The following CSMD2 variants were observed in gnomAD, a reference collection of about 807,000 sequenced individuals.
The protein encoded by CSMD2 is CUB and sushi domain-containing protein 2.
In CSMD2, 130 loss-of-function variants were observed where a neutral mutation model predicts 398.5. The ratio of observed to expected loss-of-function variants is 0.33; its 90% confidence interval spans 0.28 to 0.38. The LOEUF (loss-of-function observed/expected upper bound fraction) is 0.38, where lower values mean the gene tolerates loss of function less well. CSMD2 is among the 10% of genes least tolerant of loss of function. CSMD2 has a pLI of 1.00. For synonymous variants in CSMD2, 1,828 were observed against 1,908.5 expected (o/e 0.96, Z 1.10); for missense variants, 3,829 against 4,764.9 (o/e 0.80, Z 5.78).
intron 13 of CSMD2, among the ~76,000 whole-genome samples, chr1:33,771,546 G>A (rs1023468930): frequency 6.7e-6 from 1 of 149,700 alleles, no homozygotes; most frequent in African/African-American, 2.5e-5. Flanking sequence ...TGGACAACGT[G>A]ATTTTTTTTT....
At chr1:34,024,891 G>T (rs1185035394) in intron 3 of CSMD2, among the ~76,000 whole-genome samples, 1 of 152,218 alleles carries the variant, frequency 6.6e-6, no homozygotes, top group Non-Finnish European at 1.5e-5. Flanking sequence ...TTGGAATGAG[G>T]AAATTGTCTG....
chr1:33,931,754 G>A (rs1365444818), intron 4 of CSMD2, among the ~76,000 whole-genome samples: 1 of 152,168 alleles, frequency 6.6e-6, no homozygotes, highest in Non-Finnish European at 1.5e-5. Context: ...AGAGCCTTCT[G>A]CTCCATGCTA....
intron 11 of CSMD2, 52 bp downstream of exon 11, chr1:33,792,371 C>A (rs1383925841): frequency 1.5e-6 from 2 of 1,371,998 alleles, no homozygotes; most frequent in East Asian, 2.3e-5. Flanking sequence ...CCCCACCCCA[C>A]CAACCCCAGC....
intron 5 of CSMD2, chr1:33,862,837 C>T (rs1277217931): frequency 6.6e-6 from 1 of 152,210 alleles, no homozygotes; most frequent in East Asian, 1.9e-4. Context: ...ATTGGAGACT[C>T]TTATTAGTTT....
chr1:34,081,973 G>T (rs909959976), intron 2 of CSMD2, among the ~76,000 whole-genome samples: 1 of 151,214 alleles, frequency 6.6e-6, no homozygotes, highest in Non-Finnish European at 1.5e-5. Flanking sequence ...CTAACTGGCC[G>T]CCCATCGTCT....
chr1:34,006,576 G>A (rs536798999), intron 3 of CSMD2, among the ~76,000 whole-genome samples: 15 of 152,146 alleles, frequency 9.9e-5, no homozygotes, highest in Non-Finnish European at 2.1e-4. Flanking sequence ...ACACTTCATT[G>A]TTTTGCAATT....
intron 44 of CSMD2, among the ~76,000 whole-genome samples, chr1:33,597,663 T>G (rs1639928773): frequency 6.6e-6 from 1 of 152,218 alleles, no homozygotes; most frequent in Non-Finnish European, 1.5e-5. Context: ...AGAGTGTAAA[T>G]GGTTATAACT....
chr1:33,699,930 G>A (rs1246770915), intron 23 of CSMD2, among the ~76,000 whole-genome samples: 1 of 152,098 alleles, frequency 6.6e-6, no homozygotes, highest in Non-Finnish European at 1.5e-5. Context: ...CAAACAATAT[G>A]TGGCCTTTGA....
At chr1:33,539,554 CTATT>C (rs1333317842) in intron 60 of CSMD2, among the ~76,000 whole-genome samples, 2 of 152,186 alleles carry the variant, frequency 1.3e-5, no homozygotes, top group Non-Finnish European at 2.9e-5. Flanking sequence ...ATATCACTAT[CTATT>C]CAAAAATGCA....
intron 1 of CSMD2, among the ~76,000 whole-genome samples, chr1:34,128,085 C>T (rs1305331655): frequency 2.0e-5 from 3 of 152,056 alleles, no homozygotes; most frequent in Non-Finnish European, 4.4e-5. Flanking sequence ...TCGGCCTCAC[C>T]GACGCCCTGA....
Position 33,622,278 on chromosome 1 carries a change from C to T in CSMD2, c.5723-7G>A. 1 of 1,607,796 alleles carries T rather than the reference C, an allele frequency of 6.2e-7. No homozygotes were observed. The highest frequency in any genetic ancestry group is 8.5e-7 in the Non-Finnish European group (1 of 1,174,320). On this transcript the variant is annotated splice_polypyrimidine_tract_variant and splice_region_variant and intron_variant, in intron 36 of 70. Coordinates refer to ENST00000373381, the MANE Select transcript of CSMD2 (RefSeq NM_001281956.2). ...AGGGCAGGCACGGTTGTTCCTAGGG[C>T]AAGGACACCAGGGAAAACCATTTAA... is the stretch of plus-strand genomic sequence containing the variant.
rs1656251522 is a variant in CSMD2 at position 33,540,752 on chromosome 1, C to T, written c.9458-54G>A. On this transcript the variant is annotated intron_variant, in intron 59 of 70. Transcript: ENST00000373381. The stretch of plus-strand genomic sequence containing the variant: ...CTGATGCTGTCCTGGGAAACCAGCC[C>T]CCGTCACCATCATTGATATCACCGA... 5 of 1,594,480 alleles carry T rather than the reference C, an allele frequency of 3.1e-6. No individual in the cohort carries two copies. The East Asian group carries it at 6.7e-5, about 21-fold the overall frequency.
intron 5 of CSMD2, among the ~76,000 whole-genome samples, chr1:33,911,921 A>T (rs966950408): frequency 6.6e-6 from 1 of 152,068 alleles, no homozygotes; most frequent in Non-Finnish European, 1.5e-5. Flanking sequence ...GGATCAAGGA[A>T]CTCCCACACT....
At chr1:33,660,231 G>T (rs1644088196) in intron 26 of CSMD2, among the ~76,000 whole-genome samples, 1 of 152,214 alleles carries the variant, frequency 6.6e-6, no homozygotes, top group African/African-American at 2.4e-5. Flanking sequence ...TGCCCATACT[G>T]TAAGGGTTTT....
In CSMD2 at chr1:33,633,447, G is replaced by A. The variant is rs961491348; in HGVS notation, c.5175C>T (p.Leu1725=). Residue 1725 remains leucine, a synonymous_variant, in exon 32 of 71, where the codon CTC becomes CTT. Coordinates refer to ENST00000373381, the MANE Select transcript of CSMD2 (RefSeq NM_001281956.2). The surrounding 1 kb of genome is among the most constrained non-coding windows in gnomAD (Gnocchi z 5.0). ...HDGHSQHSRL[L]SSLSGSHTGE... ...CTGTATGGGAGCCCGAGAGGGAGCT[G>A]AGGAGCCGCGAGTGCTGGCTGTGGC... is the stretch of plus-strand genomic sequence containing the variant. 3 of 1,553,352 alleles carry A rather than the reference G, an allele frequency of 1.9e-6. No individual in the cohort carries two copies. The highest frequency in any genetic ancestry group is 1.4e-5 in the African/African-American group (1 of 73,204).
intron 49 of CSMD2, among the ~76,000 whole-genome samples, chr1:33,573,261 T>A (rs531314189): frequency 6.6e-6 from 1 of 152,270 alleles, no homozygotes; most frequent in South Asian, 2.1e-4. Flanking sequence ...GTAATCCACA[T>A]CTCATAGCTG....
chr1:33,613,723 C>T (rs1436939724), intron 40 of CSMD2, among the ~76,000 whole-genome samples: 2 of 152,220 alleles, frequency 1.3e-5, no homozygotes, highest in Non-Finnish European at 2.9e-5. Context: ...ACATTTCATT[C>T]CTAGAAGCAG....
At chr1:33,947,746 G>A (rs1644881749) in intron 3 of CSMD2, among the ~76,000 whole-genome samples, 1 of 152,214 alleles carries the variant, frequency 6.6e-6, no homozygotes, top group South Asian at 2.1e-4. Context: ...AGGGTGTCCT[G>A]TGAATCCTCA....
At chr1:33,966,615 A>T (rs1645566499) in intron 3 of CSMD2, among the ~76,000 whole-genome samples, 1 of 152,212 alleles carries the variant, frequency 6.6e-6, no homozygotes, top group South Asian at 2.1e-4. Flanking sequence ...AAAGTAAGCG[A>T]GGGAGTCTAA....
Sources: gnomAD v4.1 joint callset for allele counts (sites outside exome capture counted in the v4.1 genomes callset) on GRCh38, gnomAD v4.1.1 for gene constraint, Gnocchi (gnomAD v3.1) non-coding constraint, MANE v1.5 for transcripts, NCBI Gene and HGNC (gene_info 2026-07-23, HGNC 2026-07-21) for gene names.